Variants in FCSK observed in about 807,000 individuals in gnomAD.
FCSK encodes the protein L-fucose kinase.
A neutral mutation model predicts 122.5 loss-of-function variants in FCSK; 123 were observed. The ratio of observed to expected loss-of-function variants is 1.00; its 90% CI spans 0.87 to 1.17. FCSK has a LOEUF of 1.17. FCSK is among the 50% of genes most tolerant of loss of function. The probability of loss-of-function intolerance (pLI) is 0.00; values close to 1 mark genes in which losing one functional copy is unlikely to be tolerated. For synonymous variants in FCSK, 620 were observed against 625.5 expected (o/e 0.99, Z 0.13); for missense variants, 1,366 against 1,450.4 (o/e 0.94, Z 0.95).
chr16:70,470,675 T>G (rs1341172166), intron 11 of FCSK, among the ~76,000 whole-genome samples: 1 of 152,152 alleles, frequency 6.6e-6, no homozygotes, highest in Admixed American at 6.5e-5. Context: ...GACCTTTATT[T>G]GGGGTCTGCC....
At chr16:70,455,046 T>C (rs1352809805) in intron 1 of FCSK, 3 of 152,252 alleles carry the variant, frequency 2.0e-5, no homozygotes, top group African/African-American at 2.4e-5. Context: ...CTCAATGATG[T>C]GCTCTTGGGT....
chr16:70,470,151 T>C (rs1208164691), intron 10 of FCSK, among the ~76,000 whole-genome samples, 163 bp from the exon 11 acceptor site: 1 of 152,218 alleles, frequency 6.6e-6, no homozygotes, highest in Non-Finnish European at 1.5e-5. Flanking sequence ...CCAACCTGTC[T>C]ACTTTCTAGC....
chr16:70,474,041 C>T, intron 15 of FCSK, 88 bp from the exon 16 acceptor site: 1 of 1,256,652 alleles, frequency 8.0e-7, no homozygotes, highest in Non-Finnish European at 1.1e-6. Flanking sequence ...GGGTCTGGCG[C>T]ATTTAGGGAC....
At chr16:70,475,519 C>A in intron 19 of FCSK, 26 bp downstream of exon 19, 1 of 1,600,026 alleles carries the variant, frequency 6.2e-7, no homozygotes, top group Non-Finnish European at 8.5e-7. Flanking sequence ...CTCCTGCTAC[C>A]CACCGACTGT....
At chr16:70,457,030 ATAGAT>A (rs2048112685) in intron 1 of FCSK, among the ~76,000 whole-genome samples, 1 of 151,628 alleles carries the variant, frequency 6.6e-6, no homozygotes, top group Admixed American at 6.6e-5. Context: ...AAAAAAAAAA[ATAGAT>A]TAAGTAACTT....
chr16:70,473,852 CTGAGCCCAGGTGGTT>C lies in FCSK; in HGVS notation c.1778-267_1778-253del, dbSNP rs2048710488. Among the ~76,000 whole-genome samples, 1 of 152,166 alleles carries C rather than the reference CTGAGCCCAGGTGGTT, an allele frequency of 6.6e-6. No individual in the cohort carries two copies. The highest frequency in any genetic ancestry group is 6.6e-5 in the Admixed American group (1 of 15,264). ...GGCTAGCTGGTGGTGAGGCTGAGAC[CTGAGCCCAGGTGGTT>C]TGAGCCCAGAGCCTGAGCTCTTCAC... On this transcript the variant is annotated intron_variant, in intron 15 of 23. Transcript: ENST00000288078. This position sits in a 1 kb window ranked among gnomAD's most constrained non-coding sequence, Gnocchi z 4.9.
At position 70,479,782 on chromosome 16, in the gene FCSK, C is replaced by G; in HGVS notation, c.*102C>G. On this transcript the variant is annotated 3_prime_UTR_variant, in exon 24 of 24. Transcript: ENST00000288078. ...ACCTCCTACTCCCCACCCACCTCTG[C>G]GAATCTGCTCCCAAAGGAAGCTGAC... 1.2e-6 allele frequency: 1 copy of G among 829,140 alleles called. No homozygotes were observed. The highest frequency in any genetic ancestry group is 1.9e-6 in the Non-Finnish European group (1 of 526,720). The allele number at this position is 829,140 out of a possible 1,614,324, so 51.4% of individuals were successfully genotyped here.
In FCSK at chr16:70,465,164, C is replaced by T. The variant is rs1423129752; in HGVS notation, c.273C>T (p.Leu91=). The change falls in exon 4 of 24, where the codon CTC becomes CTT. Residue 91 remains leucine, a synonymous_variant. Transcript: ENST00000288078. ...TSDVLHSAWI[L]ILHMGRDFPF... ...ATGTCCTGCACTCGGCCTGGATCCT[C>T]ATTCTGCACATGGTAAATGAACTTT... is the stretch of plus-strand genomic sequence containing the variant. 85 of 1,612,646 alleles carry T rather than the reference C, an allele frequency of 5.3e-5. No homozygotes were observed. The highest frequency in any genetic ancestry group is 7.0e-5 in the Non-Finnish European group (82 of 1,179,096).
intron 1 of FCSK, among the ~76,000 whole-genome samples, chr16:70,462,018 C>A (rs1043841076): frequency 3.9e-5 from 6 of 152,138 alleles, no homozygotes; most frequent in African/African-American, 1.4e-4. Flanking sequence ...CCCATCCATG[C>A]GAGGGATCAC....
intron 4 of FCSK, among the ~76,000 whole-genome samples, 159 bp from the exon 5 acceptor site, chr16:70,465,973 A>G (rs1244693042): frequency 6.6e-6 from 1 of 152,138 alleles, no homozygotes; most frequent in East Asian, 1.9e-4. Flanking sequence ...GTGCAATGCA[A>G]TGCAATGCAA....
Position 70,467,938 on chromosome 16 carries a change from G to A in FCSK, c.635G>A (p.Cys212Tyr). 1 of 1,614,210 alleles carries A rather than the reference G, an allele frequency of 6.2e-7. No homozygotes were observed. Among genetic ancestry groups the A allele is most frequent in the Non-Finnish European group, 8.5e-7 (1 of 1,180,030 alleles). The stretch of plus-strand genomic sequence containing the variant: ...GGCACTGAGGCAGAGATTCAGCGGT[G>A]TGTCAGGCCTGATGGGCGGGTGCCA... ...YQGTEAEIQR[C>Y]VRPDGRVPLV... The change falls in exon 8 of 24, where the codon TGT becomes TAT. Residue 212 changes from cysteine to tyrosine, a missense_variant. Cys to Tyr is a radical substitution (Grantham distance 194). Transcript: ENST00000288078.
chr16:70,467,604 G>C, intron 7 of FCSK, 133 bp downstream of exon 7: 1 of 720,478 alleles, frequency 1.4e-6, no homozygotes, highest in Non-Finnish European at 2.3e-6. Context: ...AGTTTCCTCC[G>C]TGGCAGTGGC....
chr16:70,475,978 C>T, intron 20 of FCSK: 4 of 488,558 alleles, frequency 8.2e-6, no homozygotes, highest in Non-Finnish European at 3.5e-6. Flanking sequence ...TCACAAGCAT[C>T]TACTGAGTGC....
At position 70,473,364 on chromosome 16, in the gene FCSK, A is replaced by G; in HGVS notation, c.1777+11A>G. The G allele has an allele frequency of 1.4e-6, 2 of 1,480,564 alleles. No individual in the cohort carries two copies. The highest frequency in any genetic ancestry group is 2.6e-5 in the South Asian group (2 of 75,608). The allele number at this position is 1,480,564 out of a possible 1,614,324, so 91.7% of individuals were successfully genotyped here. On this transcript the variant is annotated intron_variant, in intron 15 of 23. Transcript: ENST00000288078. The surrounding 1 kb of genome is among the most constrained non-coding windows in gnomAD (Gnocchi z 4.9). ...CCACGCTGGACCAGGGTGAGTGTGCAGGCTGGTAGTGCTGCAGAATCAGGC... is the reference window on the plus strand; with the variant it reads ...CCACGCTGGACCAGGGTGAGTGTGCGGGCTGGTAGTGCTGCAGAATCAGGC...
chr16:70,470,895 A>G (rs1427979248), intron 11 of FCSK, 76 bp from the exon 12 acceptor site: 5 of 1,335,536 alleles, frequency 3.7e-6, no homozygotes, highest in Admixed American at 4.1e-5. Flanking sequence ...TTGCCCCTGG[A>G]TGCTTGGCTT....
chr16:70,466,057 T>C, intron 4 of FCSK, 75 bp from the exon 5 acceptor site: 1 of 1,521,858 alleles, frequency 6.6e-7, no homozygotes, highest in African/African-American at 1.4e-5. Context: ...CTGGATGGCT[T>C]TCTGCCTGCA....
intron 1 of FCSK, chr16:70,458,107 T>TG (rs2048147638): frequency 6.6e-6 from 1 of 151,518 alleles, no homozygotes; most frequent in African/African-American, 2.4e-5. Flanking sequence ...ACCTTAACTG[T>TG]GGTCCAGAGT....
rs2048763992 is a variant in FCSK at position 70,475,145 on chromosome 16, G to C, written c.2377+134G>C. The C allele has an allele frequency of 5.9e-6, 6 of 1,010,486 alleles. No homozygotes were observed. In the South Asian group the frequency reaches 9.8e-5, roughly 17 times the overall value. The allele number at this position is 1,010,486 out of a possible 1,614,324, so 62.6% of individuals were successfully genotyped here. ...CTGAGGAGCCTGAAGGGAAGGAAGG[G>C]GCTGGGAGTCAACCTGCAAAGATGA... is the stretch of plus-strand genomic sequence containing the variant. On this transcript the variant is annotated intron_variant, in intron 18 of 23. Coordinates refer to ENST00000288078, the MANE Select transcript of FCSK (RefSeq NM_145059.3).
intron 1 of FCSK, among the ~76,000 whole-genome samples, chr16:70,455,520 C>G (rs1397265234): frequency 6.6e-6 from 1 of 151,010 alleles, no homozygotes; most frequent in South Asian, 2.1e-4. Flanking sequence ...ACAACAACAA[C>G]AAAAGAACCT....
Sources: gnomAD v4.1 joint callset for allele counts (sites outside exome capture counted in the v4.1 genomes callset) on GRCh38, gnomAD v4.1.1 for gene constraint, Gnocchi (gnomAD v3.1) non-coding constraint, MANE v1.5 for transcripts, NCBI Gene and HGNC (gene_info 2026-07-23, HGNC 2026-07-21) for gene names.